Variants in MGAT4D observed in about 807,000 individuals in gnomAD.
The protein encoded by MGAT4D is alpha-1,3-mannosyl-glycoprotein 4-beta-N-acetylglucosaminyltransferase-like protein MGAT4D.
In MGAT4D, 34 loss-of-function variants were observed where a neutral mutation model predicts 15.9. The ratio of observed to expected loss-of-function variants is 2.14; its 90% CI spans 1.62 to 2.84. The LOEUF is 2.84. Ranked by LOEUF, MGAT4D falls within the 30% of genes most tolerant of loss-of-function variation. The probability of loss-of-function intolerance (pLI) is 0.00; values close to 1 mark genes in which losing one functional copy is unlikely to be tolerated. For missense variants in MGAT4D, 327 were observed against 140.2 expected, an observed-to-expected ratio of 2.33 and a Z score of -6.73; for synonymous variants, 112 against 48.2, an observed-to-expected ratio of 2.33 and a Z score of -5.49.
chr4:140,462,199 T>C (rs1476136795), intron 6 of MGAT4D, among the ~76,000 whole-genome samples, 195 bp from the exon 7 acceptor site: 1 of 152,216 alleles, frequency 6.6e-6, no homozygotes, highest in Non-Finnish European at 1.5e-5. Context: ...CTTTATTCAA[T>C]GAACAGTGTC....
At chr4:140,484,364 T>G (rs187648577) in intron 1 of MGAT4D, among the ~76,000 whole-genome samples, 10 of 152,264 alleles carry the variant, frequency 6.6e-5, no homozygotes, top group Admixed American at 2.6e-4. Flanking sequence ...GAATGGCTAT[T>G]ATCAGAGACA....
intron 5 of MGAT4D, among the ~76,000 whole-genome samples, chr4:140,465,801 C>A (rs569195692): frequency 2.0e-5 from 3 of 152,262 alleles, no homozygotes; most frequent in African/African-American, 7.2e-5. Context: ...ATAGTCCTTG[C>A]TTTGTACAAT....
intron 1 of MGAT4D, among the ~76,000 whole-genome samples, chr4:140,497,204 A>C (rs1051959525): frequency 2.6e-5 from 4 of 152,172 alleles, no homozygotes; most frequent in Non-Finnish European, 1.5e-5. Context: ...TGTGTAAATA[A>C]ACGAAAATTT....
chr4:140,458,281 T>A (rs1251908678), intron 8 of MGAT4D: 1 of 151,654 alleles, frequency 6.6e-6, no homozygotes, highest in African/African-American at 2.4e-5. Flanking sequence ...ATCACTTCTT[T>A]CAAAGTCTTT....
At chr4:140,456,145 A>C (rs1309584730) in intron 9 of MGAT4D, among the ~76,000 whole-genome samples, 2 of 152,116 alleles carry the variant, frequency 1.3e-5, no homozygotes, top group Non-Finnish European at 2.9e-5. Flanking sequence ...AAATAAATAA[A>C]TAGCTACTAC....
rs1374232006 is a variant in MGAT4D at position 140,443,192 on chromosome 4, TA to T, written c.*243del. ...AGTCAATAAAGTGCAGTTCTTAATT[TA>T]AAAAAAACTTCCTTGCCTTTAGTAT... On this transcript the variant is annotated 3_prime_UTR_variant, in exon 11 of 11. Coordinates refer to ENST00000511113, the MANE Select transcript of MGAT4D (RefSeq NM_001277353.2). 1.8e-5 allele frequency: 4 copies of T among 218,596 alleles called. No individual in the cohort carries two copies. The highest frequency in any genetic ancestry group is 1.6e-4 in the South Asian group (1 of 6,256). 13.5% of individuals were successfully genotyped at this position (218,596 alleles called of 1,614,324 possible).
intron 4 of MGAT4D, among the ~76,000 whole-genome samples, chr4:140,472,031 C>G (rs553125094): frequency 4.0e-5 from 6 of 151,668 alleles, no homozygotes; most frequent in African/African-American, 1.5e-4. Flanking sequence ...CATTCTTTTC[C>G]CTTTGCCACA....
chr4:140,465,212 A>T (rs574798848), intron 5 of MGAT4D, among the ~76,000 whole-genome samples: 2 of 152,340 alleles, frequency 1.3e-5, no homozygotes, highest in East Asian at 3.9e-4. Flanking sequence ...AATACACAAT[A>T]TAAAATTAGT....
chr4:140,459,397 A>G, intron 8 of MGAT4D, 115 bp downstream of exon 8: 2 of 356,646 alleles, frequency 5.6e-6, no homozygotes, highest in African/African-American at 2.1e-5. Context: ...GTGTCTTTAT[A>G]AAAATCATGC....
intron 1 of MGAT4D, among the ~76,000 whole-genome samples, chr4:140,495,197 T>C (rs1187531791): frequency 6.6e-6 from 1 of 152,092 alleles, no homozygotes; most frequent in Non-Finnish European, 1.5e-5. Flanking sequence ...TCCCTTTGTC[T>C]GAAATACTCT....
At chr4:140,450,059 T>C in intron 10 of MGAT4D, 1 of 333,652 alleles carries the variant, frequency 3.0e-6, no homozygotes, top group Non-Finnish European at 5.5e-6. Flanking sequence ...ATGTCATTAT[T>C]TCCAAAGAAT....
intron 8 of MGAT4D, 105 bp downstream of exon 8, chr4:140,459,407 C>A: frequency 2.8e-6 from 1 of 351,984 alleles, no homozygotes; most frequent in Non-Finnish European, 5.1e-6. Flanking sequence ...AAAAATCATG[C>A]CATTCTTTTT....
chr4:140,470,582 C>A (rs75115619), intron 5 of MGAT4D, among the ~76,000 whole-genome samples: 14,824 of 152,226 alleles, frequency 0.097, 956 homozygotes, highest in Admixed American at 0.19. Flanking sequence ...TCCCACCAGT[C>A]CTTCCGCCTT....
At chr4:140,472,090 T>C (rs1732002481) in intron 4 of MGAT4D, among the ~76,000 whole-genome samples, 1 of 152,088 alleles carries the variant, frequency 6.6e-6, no homozygotes, top group African/African-American at 2.4e-5. Context: ...ATATACTTTT[T>C]AGATATATAA....
At chr4:140,476,740 C>T (rs1302439129) in intron 3 of MGAT4D, among the ~76,000 whole-genome samples, 3 of 152,176 alleles carry the variant, frequency 2.0e-5, no homozygotes, top group East Asian at 3.8e-4. Context: ...TCTTATTCCT[C>T]TAATTTCCTT....
intron 1 of MGAT4D, among the ~76,000 whole-genome samples, chr4:140,490,384 C>T (rs558044366): frequency 6.6e-6 from 1 of 152,250 alleles, no homozygotes; most frequent in East Asian, 1.9e-4. Flanking sequence ...AAGAATCCTC[C>T]CTCTGAATCA....
intron 4 of MGAT4D, among the ~76,000 whole-genome samples, chr4:140,472,440 C>A (rs1578682368): frequency 1.3e-5 from 2 of 152,096 alleles, no homozygotes; most frequent in South Asian, 2.1e-4. Context: ...AGCCTCAGGG[C>A]CCATAAGCAT....
At chr4:140,466,846 T>C (rs2126755688) in intron 5 of MGAT4D, among the ~76,000 whole-genome samples, 1 of 152,234 alleles carries the variant, frequency 6.6e-6, no homozygotes, top group South Asian at 2.1e-4. Flanking sequence ...TGTTTTATAA[T>C]GGGTATGTAT....
intron 1 of MGAT4D, among the ~76,000 whole-genome samples, chr4:140,484,248 T>C (rs1239501793): frequency 6.6e-6 from 1 of 152,130 alleles, no homozygotes; most frequent in Non-Finnish European, 1.5e-5. Context: ...AAATAGATAT[T>C]TGTCAAAACA....
Sources: gnomAD v4.1 joint callset for allele counts (sites outside exome capture counted in the v4.1 genomes callset) on GRCh38, gnomAD v4.1.1 for gene constraint, MANE v1.5 for transcripts, NCBI Gene and HGNC (gene_info 2026-07-23, HGNC 2026-07-21) for gene names.